The following PBX3 variants were observed in gnomAD, a reference collection of about 807,000 sequenced individuals.
The protein encoded by PBX3 is PBX homeobox 3.
Under a neutral mutation model 48.5 loss-of-function variants are expected in PBX3, and 14 were observed. The observed-to-expected ratio is 0.29, with a 90% CI of 0.19 to 0.45. The LOEUF (loss-of-function observed/expected upper bound fraction) is 0.45, where lower values mean the gene tolerates loss of function less well. PBX3 is among the 20% of genes least tolerant of loss of function. The pLI, the probability that PBX3 is intolerant of heterozygous loss-of-function variation, is 1.00. For synonymous variants in PBX3, 210 were observed against 200.3 expected (o/e 1.05, Z -0.41); for missense variants, 386 against 546.7 (o/e 0.71, Z 2.93).
At chr9:125,912,536 C>G (rs929796592) in intron 2 of PBX3, among the ~76,000 whole-genome samples, 1 of 151,974 alleles carries the variant, frequency 6.6e-6, no homozygotes, top group African/African-American at 2.4e-5. Flanking sequence ...TATAACAAAG[C>G]CAAGTTCATT....
intron 2 of PBX3, among the ~76,000 whole-genome samples, chr9:125,840,930 T>A (rs541759301): frequency 6.6e-6 from 1 of 152,140 alleles, no homozygotes; most frequent in Non-Finnish European, 1.5e-5. Flanking sequence ...AGTTTGTTAC[T>A]TTTAAGTCTC....
chr9:125,909,343 G>A (rs1841149598), intron 2 of PBX3, among the ~76,000 whole-genome samples: 1 of 152,130 alleles, frequency 6.6e-6, no homozygotes, highest in South Asian at 2.1e-4. Context: ...GAAACTGAAG[G>A]ATTTTTAAGA....
chr9:125,747,820 C>T (rs989626697), intron 1 of PBX3, among the ~76,000 whole-genome samples, 167 bp downstream of exon 1: 1 of 151,736 alleles, frequency 6.6e-6, no homozygotes, highest in African/African-American at 2.4e-5. Context: ...CCCGCGCCCC[C>T]CGAAGCGGGC....
intron 2 of PBX3, among the ~76,000 whole-genome samples, chr9:125,817,621 C>T (rs1455669163): frequency 6.6e-6 from 1 of 152,100 alleles, no homozygotes; most frequent in Non-Finnish European, 1.5e-5. Context: ...AATGGCTACC[C>T]CACTAAACTA....
At chr9:125,847,122 A>G (rs1452988989) in intron 2 of PBX3, among the ~76,000 whole-genome samples, 3 of 151,940 alleles carry the variant, frequency 2.0e-5, no homozygotes, top group Non-Finnish European at 4.4e-5. Flanking sequence ...GTTGTGTTAT[A>G]TTCTTATATT....
intron 3 of PBX3, among the ~76,000 whole-genome samples, chr9:125,919,478 G>T (rs1229572169): frequency 2.0e-5 from 3 of 151,416 alleles, no homozygotes; most frequent in African/African-American, 7.3e-5. Flanking sequence ...CAAAGGGCCG[G>T]GATTACAGGT....
At chr9:125,915,623 C>A (rs1841310250) in intron 2 of PBX3, 63 bp from the exon 3 acceptor site, 17 of 1,252,344 alleles carry the variant, frequency 1.4e-5, no homozygotes, top group Non-Finnish European at 1.8e-5. Flanking sequence ...ACAAAATACT[C>A]ACACTATTTG....
chr9:125,889,274 G>T (rs535880174), intron 2 of PBX3, among the ~76,000 whole-genome samples: 2 of 152,344 alleles, frequency 1.3e-5, no homozygotes, highest in South Asian at 4.1e-4. Context: ...CTGGCTGTGG[G>T]CTGTTGAAGG....
intron 2 of PBX3, among the ~76,000 whole-genome samples, chr9:125,863,687 T>C (rs921570522): frequency 2.6e-5 from 4 of 152,222 alleles, no homozygotes; most frequent in Non-Finnish European, 5.9e-5. Flanking sequence ...GATGAAGTGA[T>C]GAAGAAACAC....
Position 125,857,662 on chromosome 9 carries a change from G to A in PBX3, c.275-58024G>A, listed in dbSNP as rs1588227100. Reference sequence around the variant, plus strand: ...ACTCCTATTTACAGTATTTTTGGTGGAACAGAATTTTACATGTGAAATTAC... The same window carrying A: ...ACTCCTATTTACAGTATTTTTGGTGAAACAGAATTTTACATGTGAAATTAC... On this transcript the variant is annotated intron_variant, in intron 2 of 8. Transcript: ENST00000373489. Among the ~76,000 whole-genome samples, 6 of 152,096 alleles carry A rather than the reference G, an allele frequency of 3.9e-5. No homozygotes were observed. In the South Asian group the frequency reaches 1.0e-3, roughly 26 times the overall value.
At chr9:125,797,823 A>G (rs980709313) in intron 2 of PBX3, among the ~76,000 whole-genome samples, 1 of 152,158 alleles carries the variant, frequency 6.6e-6, no homozygotes, top group Admixed American at 6.5e-5. Context: ...GGAAAATTTA[A>G]TATGCTTTCT....
intron 2 of PBX3, among the ~76,000 whole-genome samples, chr9:125,780,524 C>T (rs1249325526): frequency 1.4e-5 from 2 of 144,044 alleles, no homozygotes; most frequent in Non-Finnish European, 3.1e-5. Context: ...GCTAACTCCC[C>T]CACCTCCCTC....
At chr9:125,903,386 T>C (rs534262233) in intron 2 of PBX3, among the ~76,000 whole-genome samples, 1 of 151,898 alleles carries the variant, frequency 6.6e-6, no homozygotes, top group South Asian at 2.1e-4. Context: ...TTGTTGCTGT[T>C]TGTGAGAACA....
chr9:125,949,454 G>A (rs981322092), intron 5 of PBX3: 1 of 1,550,492 alleles, frequency 6.4e-7, no homozygotes, highest in Non-Finnish European at 8.7e-7. Context: ...AGTATTCACA[G>A]GCTCCCTGAA....
At chr9:125,795,195 G>A (rs904187469) in intron 2 of PBX3, among the ~76,000 whole-genome samples, 3 of 152,146 alleles carry the variant, frequency 2.0e-5, no homozygotes, top group Non-Finnish European at 4.4e-5. Context: ...CTTTTGGTAG[G>A]GTCCCAGGTA....
chr9:125,772,537 A>T (rs1201542843), intron 2 of PBX3, among the ~76,000 whole-genome samples: 1 of 152,226 alleles, frequency 6.6e-6, no homozygotes, highest in African/African-American at 2.4e-5. Context: ...AAATTAATAG[A>T]TGAGTCCTAC....
intron 2 of PBX3, among the ~76,000 whole-genome samples, chr9:125,912,865 A>G (rs1226032518): frequency 6.6e-6 from 1 of 152,166 alleles, no homozygotes; most frequent in African/African-American, 2.4e-5. Context: ...TAAAATGTTT[A>G]TAGGTGCCCA....
At chr9:125,793,968 T>C (rs1837699043) in intron 2 of PBX3, among the ~76,000 whole-genome samples, 1 of 152,220 alleles carries the variant, frequency 6.6e-6, no homozygotes, top group African/African-American at 2.4e-5. Context: ...TATAAACTTC[T>C]GTGTACCCAA....
chr9:125,872,952 C>T (rs1275925994), intron 2 of PBX3, among the ~76,000 whole-genome samples: 1 of 151,382 alleles, frequency 6.6e-6, no homozygotes, highest in African/African-American at 2.4e-5. Flanking sequence ...GTAATCCCAG[C>T]ACTTTGGGAG....
Sources: allele counts gnomAD v4.1 joint callset (sites outside exome capture counted in the v4.1 genomes callset), GRCh38; gene constraint gnomAD v4.1.1; transcripts MANE v1.5; gene names NCBI Gene and HGNC (gene_info 2026-07-23, HGNC 2026-07-21).